ADARB2: variants seen among roughly 807,000 people sequenced by gnomAD.
ADARB2 encodes the protein inactive double-stranded RNA-specific editase B2.
In ADARB2, 25 loss-of-function variants were observed where a neutral mutation model predicts 62.2. The ratio of observed to expected loss-of-function variants is 0.40; its 90% confidence interval spans 0.29 to 0.56. The LOEUF is 0.56. ADARB2 is among the 20% of genes least tolerant of loss of function. The pLI, the probability that ADARB2 is intolerant of heterozygous loss-of-function variation, is 0.43. For missense variants in ADARB2, 1,071 were observed against 1,077.4 expected (o/e 0.99, Z 0.08); for synonymous variants, 572 against 500.8 (o/e 1.14, Z -1.90).
At chr10:1,250,964 G>T (rs945451044) in intron 4 of ADARB2, among the ~76,000 whole-genome samples, 26 of 152,280 alleles carry the variant, frequency 1.7e-4, no homozygotes, top group African/African-American at 6.3e-4. Flanking sequence ...TAGGACAAAG[G>T]TAATCACATC....
intron 1 of ADARB2, among the ~76,000 whole-genome samples, chr10:1,665,238 T>C (rs1181378843): frequency 6.6e-6 from 1 of 152,264 alleles, no homozygotes; most frequent in East Asian, 1.9e-4. Flanking sequence ...CCTAGATCTT[T>C]CCTTAATATT....
chr10:1,468,822 A>C (rs1293502009), intron 1 of ADARB2, among the ~76,000 whole-genome samples: 1 of 152,240 alleles, frequency 6.6e-6, no homozygotes, highest in Non-Finnish European at 1.5e-5. Flanking sequence ...GGTGAGTGGC[A>C]AACCTCCGTG....
chr10:1,300,624 G>A (rs10903419), intron 3 of ADARB2, among the ~76,000 whole-genome samples: 66,177 of 151,758 alleles, frequency 0.44, 15,995 homozygotes, highest in East Asian at 0.69. Flanking sequence ...CTGCCTCCCT[G>A]AGCATAGCAA....
At chr10:1,733,114 G>A (rs1197143432) in intron 1 of ADARB2, among the ~76,000 whole-genome samples, 3 of 152,134 alleles carry the variant, frequency 2.0e-5, no homozygotes, top group African/African-American at 4.8e-5. Flanking sequence ...CAACCCGACC[G>A]GCCCCGGATG....
chr10:1,320,368 G>T (rs1297671286), intron 3 of ADARB2, among the ~76,000 whole-genome samples: 2 of 152,206 alleles, frequency 1.3e-5, no homozygotes, highest in Non-Finnish European at 2.9e-5. Context: ...CAGATTTAGG[G>T]TCTGGTATCT....
chr10:1,576,804 G>A (rs1354734115), intron 1 of ADARB2, among the ~76,000 whole-genome samples: 4 of 152,008 alleles, frequency 2.6e-5, no homozygotes, highest in African/African-American at 9.7e-5. Flanking sequence ...CACATTGAAG[G>A]TGGAGGATGA....
At chr10:1,293,228 G>GGAGGGAA (rs1831491278) in intron 3 of ADARB2, among the ~76,000 whole-genome samples, 1 of 108,448 alleles carries the variant, frequency 9.2e-6, no homozygotes. Flanking sequence ...GAGAGGGACG[G>GGAGGGAA]GGAGGGAGAG....
chr10:1,507,999 A>G (rs1417231949), intron 1 of ADARB2, among the ~76,000 whole-genome samples: 1 of 152,176 alleles, frequency 6.6e-6, no homozygotes, highest in Non-Finnish European at 1.5e-5. Flanking sequence ...AGGTTCCACA[A>G]TTGACGACTG....
chr10:1,490,137 C>A (rs750029630), intron 1 of ADARB2, among the ~76,000 whole-genome samples: 3 of 152,160 alleles, frequency 2.0e-5, no homozygotes, highest in African/African-American at 7.2e-5. Context: ...ACACTAACAA[C>A]GGCCTAGGAG....
chr10:1,618,850 G>A (rs1366365642), intron 1 of ADARB2, among the ~76,000 whole-genome samples: 3 of 152,156 alleles, frequency 2.0e-5, no homozygotes, highest in South Asian at 2.1e-4. Context: ...AATCACAGGC[G>A]AGATTTCCAG....
At chr10:1,498,178 A>G in intron 1 of ADARB2, among the ~76,000 whole-genome samples, 1 of 151,970 alleles carries the variant, frequency 6.6e-6, no homozygotes, top group Admixed American at 6.6e-5. Context: ...TTCGAAGACC[A>G]ACCTGGCCAA....
At chr10:1,624,004 G>A (rs959364851) in intron 1 of ADARB2, among the ~76,000 whole-genome samples, 4 of 152,212 alleles carry the variant, frequency 2.6e-5, no homozygotes, top group Non-Finnish European at 4.4e-5. Flanking sequence ...AGGCTGAGGC[G>A]GATCGATCAC....
intron 1 of ADARB2, among the ~76,000 whole-genome samples, chr10:1,673,542 A>G (rs764097996): frequency 1.5e-4 from 23 of 152,218 alleles, no homozygotes; most frequent in Non-Finnish European, 3.4e-4. Context: ...GAAACAAAGA[A>G]ACACGTCGCT....
intron 1 of ADARB2, among the ~76,000 whole-genome samples, chr10:1,389,177 T>C (rs1183001811): frequency 1.3e-5 from 2 of 152,166 alleles, no homozygotes; most frequent in East Asian, 3.8e-4. Flanking sequence ...AAGCTAAAAC[T>C]ATAAATTTTT....
chr10:1,298,543 T>C (rs1831544091), intron 3 of ADARB2, among the ~76,000 whole-genome samples: 1 of 152,066 alleles, frequency 6.6e-6, no homozygotes, highest in African/African-American at 2.4e-5. Flanking sequence ...CAGAGAAGAC[T>C]TCATAGAGAC....
Position 1,235,000 on chromosome 10 carries a change from G to T in ADARB2, c.1362-1155C>A, listed in dbSNP as rs187994416. Among the ~76,000 whole-genome samples the T allele has an allele frequency of 9.1e-4, 138 of 152,196 alleles. 2 individuals carry two copies. The East Asian group carries it at 0.026, about 28-fold the overall frequency. On this transcript the variant is annotated intron_variant, in intron 5 of 9. Coordinates refer to ENST00000381312, the MANE Select transcript of ADARB2 (RefSeq NM_018702.4). ...GACTTCAGGTGATCCACCCGCCTTGGCCCCCCAAAGAGCTGGGATTACAGG... is the reference window on the plus strand; with the variant it reads ...GACTTCAGGTGATCCACCCGCCTTGTCCCCCCAAAGAGCTGGGATTACAGG...
intron 1 of ADARB2, among the ~76,000 whole-genome samples, chr10:1,441,959 C>T (rs1361832988): frequency 1.3e-5 from 2 of 152,146 alleles, no homozygotes; most frequent in African/African-American, 4.8e-5. Flanking sequence ...ACACCCTGGT[C>T]CCAATTAACA....
intron 1 of ADARB2, among the ~76,000 whole-genome samples, chr10:1,501,137 T>C (rs1831763675): frequency 6.6e-6 from 1 of 152,176 alleles, no homozygotes. Context: ...CCTCCCAAAG[T>C]GCTGGGATTA....
intron 6 of ADARB2, among the ~76,000 whole-genome samples, chr10:1,232,852 G>C (rs1242647474): frequency 6.7e-6 from 1 of 149,130 alleles, no homozygotes; most frequent in African/African-American, 2.5e-5. Context: ...GGTATATGTG[G>C]TATGCGTGTA....
Sources: gnomAD v4.1 joint callset for allele counts (sites outside exome capture counted in the v4.1 genomes callset) on GRCh38, gnomAD v4.1.1 for gene constraint, MANE v1.5 for transcripts, NCBI Gene and HGNC (gene_info 2026-07-23, HGNC 2026-07-21) for gene names.